Variants in IQUB observed in about 807,000 individuals in gnomAD.
IQUB encodes the protein IQ motif and ubiquitin-like domain-containing protein.
IQUB carries 86 observed loss-of-function variants against 86.4 expected under a neutral mutation model. The ratio of observed to expected loss-of-function variants is 1.00; its 90% CI spans 0.84 to 1.19. The LOEUF (loss-of-function observed/expected upper bound fraction) is 1.19. IQUB is among the 50% of genes most tolerant of loss of function. IQUB has a pLI of 0.00. For missense variants in IQUB, 946 were observed against 916.9 expected, an observed-to-expected ratio of 1.03 and a Z score of -0.41; for synonymous variants, 289 against 304.5, an observed-to-expected ratio of 0.95 and a Z score of 0.53.
rs558138031 is a variant in IQUB, at chr7:123,504,471, T to C, written c.533-1108A>G. ...CTCGAAAAAAAATAATAAAAGACGT[T>C]TAACTGGCTCACCATTCCACAGGCT... On this transcript the variant is annotated intron_variant, in intron 3 of 12. Coordinates refer to ENST00000324698, the MANE Select transcript of IQUB (RefSeq NM_178827.5). 1.1e-4 allele frequency among the ~76,000 whole-genome samples: 16 copies of C among 151,972 alleles called. No individual in the cohort carries two copies. In the South Asian group the frequency reaches 3.1e-3, roughly 30 times the overall value.
In IQUB at chr7:123,510,031, T is replaced by G. The variant is rs2117249753; in HGVS notation, c.402A>C (p.Lys134Asn). The G allele has an allele frequency of 6.5e-7, 1 of 1,545,036 alleles. No individual in the cohort carries two copies. The highest frequency in any genetic ancestry group is 2.3e-5 in the East Asian group (1 of 44,234). The change falls in exon 3 of 13, where the codon AAA becomes AAC. Residue 134 changes from lysine to asparagine, a missense_variant. Coordinates refer to ENST00000324698, the MANE Select transcript of IQUB (RefSeq NM_178827.5). ...ESVEDSLATV[K>N]VVLIPVGQEI... is the part of the protein sequence containing the mutation. ...CCTGGCCCACTGGAATAAGTACAAC[T>G]TTTACTGTAAATTAAATAGAAAAGA... is the stretch of plus-strand genomic sequence containing the variant.
intron 2 of IQUB, among the ~76,000 whole-genome samples, chr7:123,510,680 T>A (rs2117254056): frequency 6.6e-6 from 1 of 152,196 alleles, no homozygotes; most frequent in East Asian, 1.9e-4. Context: ...TATTTCTAGA[T>A]TCCTGAAATT....
chr7:123,495,711 A>T (rs34986055), intron 7 of IQUB, among the ~76,000 whole-genome samples: 24,931 of 152,050 alleles, frequency 0.16, 2,251 homozygotes, highest in South Asian at 0.26. Context: ...TTTCCACCTT[A>T]CCAGGTACTG....
rs139443645 is a variant in IQUB, at chr7:123,489,018, G to T, written c.1234+7678C>A. 1.9e-3 allele frequency among the ~76,000 whole-genome samples: 285 copies of T among 152,198 alleles called. 2 individuals carry two copies. Among genetic ancestry groups the T allele is most frequent in the African/African-American group, 6.5e-3 (272 of 41,540 alleles). ...TCAGATATAACCTTGAGGCAAAGAA[G>T]CCAGAAATAAAATATACTACAAAAT... On this transcript the variant is annotated intron_variant, in intron 7 of 12. Coordinates refer to ENST00000324698, the MANE Select transcript of IQUB (RefSeq NM_178827.5).
At chr7:123,472,767 T>C (rs1794587845) in intron 8 of IQUB, among the ~76,000 whole-genome samples, 1 of 152,240 alleles carries the variant, frequency 6.6e-6, no homozygotes, top group Non-Finnish European at 1.5e-5. Context: ...CTAGGCTTTT[T>C]TGATTTCAGG....
intron 1 of IQUB, among the ~76,000 whole-genome samples, chr7:123,517,517 C>T (rs1404344265): frequency 9.6e-6 from 1 of 104,160 alleles, no homozygotes; most frequent in Non-Finnish European, 1.7e-5. Flanking sequence ...GGTGACAGAG[C>T]GAGACTCCAT....
intron 7 of IQUB, among the ~76,000 whole-genome samples, chr7:123,496,323 G>A (rs939503282): frequency 6.6e-6 from 1 of 152,028 alleles, no homozygotes; most frequent in African/African-American, 2.4e-5. Context: ...CAGACAGGAT[G>A]CTGGATTGAG....
In IQUB at chr7:123,512,012, G is replaced by T. The variant is rs1020128919; in HGVS notation, c.329C>A (p.Ala110Glu). 8.1e-6 allele frequency: 13 copies of T among 1,612,742 alleles called. No individual in the cohort carries two copies. The East Asian group carries it at 2.9e-4, about 36-fold the overall frequency. Residue 110 changes from alanine to glutamate, a missense_variant, in exon 2 of 13, where the codon GCA becomes GAA. Coordinates refer to ENST00000324698, the MANE Select transcript of IQUB (RefSeq NM_178827.5). ...AMQRPNDDSL[A>E]FLDKIKSVKE... ...TACAGACTTTATTTTATCCAGAAAT[G>T]CCAAACTATCATCATTTGGCCTCTG...
chr7:123,479,709 G>T, intron 8 of IQUB, 86 bp downstream of exon 8: 1 of 925,676 alleles, frequency 1.1e-6, no homozygotes. Context: ...GTAAGTTCTT[G>T]CAATCTAAGT....
chr7:123,458,588 T>G (rs966719762), intron 11 of IQUB, among the ~76,000 whole-genome samples: 4 of 152,054 alleles, frequency 2.6e-5, no homozygotes, highest in African/African-American at 9.7e-5. Context: ...CAATGTTTTA[T>G]ATATTTTACT....
intron 7 of IQUB, among the ~76,000 whole-genome samples, chr7:123,487,207 G>A (rs1330305699): frequency 6.6e-6 from 1 of 152,134 alleles, no homozygotes; most frequent in Non-Finnish European, 1.5e-5. Flanking sequence ...AGTTTCCTGA[G>A]GCCTCCCCAG....
chr7:123,500,594 G>C (rs1233850364), intron 6 of IQUB, among the ~76,000 whole-genome samples: 1 of 151,854 alleles, frequency 6.6e-6, no homozygotes, highest in African/African-American at 2.4e-5. Context: ...AGGAATCAAG[G>C]TTAAAAGAAC....
intron 3 of IQUB, among the ~76,000 whole-genome samples, chr7:123,509,645 C>T (rs1308082599): frequency 6.6e-6 from 1 of 152,174 alleles, no homozygotes; most frequent in African/African-American, 2.4e-5. Flanking sequence ...CTACTGCATG[C>T]ATCTTCTTCC....
At chr7:123,491,080 C>T (rs1440452356) in intron 7 of IQUB, among the ~76,000 whole-genome samples, 1 of 151,976 alleles carries the variant, frequency 6.6e-6, no homozygotes, top group Non-Finnish European at 1.5e-5. Context: ...GAAAAATCCC[C>T]AACTATTTAG....
At chr7:123,457,806 A>C (rs1027021897) in intron 11 of IQUB, among the ~76,000 whole-genome samples, 1 of 151,998 alleles carries the variant, frequency 6.6e-6, no homozygotes. Flanking sequence ...AATTCATTTC[A>C]GTATGCTAAT....
intron 9 of IQUB, among the ~76,000 whole-genome samples, chr7:123,466,704 G>C (rs971201368): frequency 2.0e-5 from 3 of 151,938 alleles, no homozygotes; most frequent in African/African-American, 4.8e-5. Context: ...ACCTACACAG[G>C]GTATCAAAAT....
chr7:123,484,983 C>A (rs1408933764), intron 7 of IQUB, among the ~76,000 whole-genome samples: 1 of 152,008 alleles, frequency 6.6e-6, no homozygotes, highest in Non-Finnish European at 1.5e-5. Flanking sequence ...TTTATCTAAT[C>A]TGATGGTTTC....
intron 1 of IQUB, among the ~76,000 whole-genome samples, chr7:123,523,119 T>G (rs929084430): frequency 2.6e-5 from 4 of 151,808 alleles, no homozygotes; most frequent in African/African-American, 7.3e-5. Context: ...GACATTTGGG[T>G]TGGTTCCAGG....
In IQUB at chr7:123,509,984, A is replaced by G; in HGVS notation, c.449T>C (p.Val150Ala). The change falls in exon 3 of 13, where the codon GTT becomes GCT. Residue 150 changes from valine (V) to alanine (A), a missense_variant. Transcript: ENST00000324698. ...VGQEIVIPFK[V>A]DTILKYLKDH... ...CTTAAGATATTTAAGAATGGTATCA[A>G]CCTTAAAAGGTATTACAATTTCCTG... The G allele has an allele frequency of 6.3e-7, 1 of 1,598,468 alleles. No individual in the cohort carries two copies. Among genetic ancestry groups the G allele is most frequent in the Non-Finnish European group, 8.6e-7 (1 of 1,167,718 alleles).
Sources: gnomAD v4.1 joint callset for allele counts (sites outside exome capture counted in the v4.1 genomes callset) on GRCh38, gnomAD v4.1.1 for gene constraint, MANE v1.5 for transcripts, NCBI Gene and HGNC (gene_info 2026-07-23, HGNC 2026-07-21) for gene names.